Variants in FLT1 observed in about 807,000 individuals in gnomAD.
The protein encoded by FLT1 is fms related receptor tyrosine kinase 1, also known as vascular endothelial growth factor receptor 1.
A neutral mutation model predicts 156.3 loss-of-function variants in FLT1; 49 were observed. That is an observed-to-expected ratio of 0.31 (90% CI 0.25 to 0.40). The LOEUF is 0.40. Among genes scored for constraint, FLT1 ranks in the 10% least tolerant of loss-of-function variants. FLT1 has a pLI of 1.00. For missense variants in FLT1, 1,322 were observed against 1,637.2 expected (o/e 0.81, Z 3.32); for synonymous variants, 594 against 583.8 (o/e 1.02, Z -0.25).
At chr13:28,389,293 C>G (rs1593735138) in intron 13 of FLT1, 2 of 1,189,304 alleles carry the variant, frequency 1.7e-6, no homozygotes, top group African/African-American at 3.1e-5. Context: ...TCATTCTGAG[C>G]TGGAAAATTA....
intron 1 of FLT1, among the ~76,000 whole-genome samples, chr13:28,486,404 C>T (rs1881168046): frequency 6.6e-6 from 1 of 152,248 alleles, no homozygotes; most frequent in East Asian, 1.9e-4. Flanking sequence ...GGGAGCCATA[C>T]TGATCCCAGC....
At chr13:28,412,162 C>A (rs1050857061) in intron 10 of FLT1, among the ~76,000 whole-genome samples, 1 of 152,166 alleles carries the variant, frequency 6.6e-6, no homozygotes, top group Non-Finnish European at 1.5e-5. Flanking sequence ...CCCATTATGG[C>A]GGCCATCCTG....
chr13:28,474,448 T>C (rs573804960), intron 1 of FLT1, among the ~76,000 whole-genome samples: 1 of 144,072 alleles, frequency 6.9e-6, no homozygotes, highest in Non-Finnish European at 1.5e-5. Flanking sequence ...AGAAACTCTG[T>C]CTCAAAAACA....
At position 28,300,432 on chromosome 13, in the gene FLT1, TATATCTGTAGC is replaced by T. The variant is rs1271143015; in HGVS notation, c.*2724_*2734del. ...ATATAGGACCAAACCATGTCTGTCT[TATATCTGTAGC>T]ATATATTCTTGGTTTGTATAAAAGT... On this transcript the variant is annotated 3_prime_UTR_variant, in exon 30 of 30. Coordinates refer to ENST00000282397, the MANE Select transcript of FLT1 (RefSeq NM_002019.4). The T allele has an allele frequency of 6.0e-5, 14 of 233,136 alleles. No individual in the cohort carries two copies. Among genetic ancestry groups the T allele is most frequent in the Non-Finnish European group, 9.3e-5 (11 of 118,066 alleles). The allele number at this position is 233,136 out of a possible 1,614,324, so 14.4% of individuals were successfully genotyped here. A position where few individuals can be genotyped will look rare whatever the true frequency, so the allele number is the denominator to read the frequency against.
In FLT1 at chr13:28,328,236, T is replaced by C. The variant is rs1871775348; in HGVS notation, c.2708-686A>G. ...TATCATGAAATATTATTTTTATTTT[T>C]TATTTTTTCCCCCAACTTTAAAAAG... On this transcript the variant is annotated intron_variant, in intron 19 of 29. Transcript: ENST00000282397. 2.6e-5 allele frequency: 4 copies of C among 152,280 alleles called. No homozygotes were observed. The South Asian group carries it at 8.3e-4, about 32-fold the overall frequency. 9.4% of individuals were successfully genotyped at this position (152,280 alleles called of 1,614,324 possible). A position where few individuals can be genotyped will look rare whatever the true frequency, so the allele number is the denominator to read the frequency against.
chr13:28,386,248 T>G, intron 13 of FLT1: 1 of 1,051,874 alleles, frequency 9.5e-7, no homozygotes, highest in East Asian at 5.4e-5. Flanking sequence ...CTTTCCCTTT[T>G]GAGTCCTGCA....
At chr13:28,469,856 C>G (rs1022823416) in intron 1 of FLT1, among the ~76,000 whole-genome samples, 1 of 152,084 alleles carries the variant, frequency 6.6e-6, no homozygotes, top group East Asian at 1.9e-4. Context: ...CAGGTTCAAG[C>G]GATTCTCGTG....
chr13:28,303,757 T>C (rs559392424), intron 29 of FLT1, among the ~76,000 whole-genome samples: 1 of 152,320 alleles, frequency 6.6e-6, no homozygotes, highest in African/African-American at 2.4e-5. Flanking sequence ...TTTCATATTT[T>C]ATATCCCTTC....
chr13:28,303,292 C>T lies in FLT1; in HGVS notation c.3892G>A (p.Gly1298Arg), dbSNP rs569994552. The T allele has an allele frequency of 1.2e-6, 2 of 1,614,066 alleles. No individual in the cohort carries two copies. Among genetic ancestry groups the T allele is most frequent in the African/African-American group, 1.3e-5 (1 of 74,986 alleles). ...SRPSFCHSSC[G>R]HVSEGKRRFT... ...CTGCGCTTGCCTTCGCTGACGTGCC[C>T]ACAGCTGGAATGGCAGAAACTGGGC... The change falls in exon 30 of 30, where the codon GGG (glycine) becomes AGG (arginine). Residue 1298 changes from glycine to arginine, a missense_variant. Gly to Arg is a moderately radical substitution (Grantham distance 125). Transcript: ENST00000282397.
chr13:28,420,593 C>T lies in FLT1; in HGVS notation c.1436+6566G>A, dbSNP rs567104745. Among the ~76,000 whole-genome samples, 226 of 152,204 alleles carry T rather than the reference C, an allele frequency of 1.5e-3. 3 individuals carry two copies. Among genetic ancestry groups the T allele is most frequent in the Non-Finnish European group, 9.3e-4 (63 of 68,010 alleles). On this transcript the variant is annotated intron_variant, in intron 10 of 29. Coordinates refer to ENST00000282397, the MANE Select transcript of FLT1 (RefSeq NM_002019.4). ...CCTCAGACATCTGACCTACATTTTG[C>T]CCCCAGGAAATGTTGACTTTTTCAA...
intron 10 of FLT1, among the ~76,000 whole-genome samples, chr13:28,418,786 G>T (rs981128357): frequency 6.6e-6 from 1 of 151,712 alleles, no homozygotes; most frequent in Non-Finnish European, 1.5e-5. Context: ...TGCCCAGACC[G>T]GTCTCTGCAA....
At chr13:28,389,203 T>C in intron 13 of FLT1, 1 of 1,097,010 alleles carries the variant, frequency 9.1e-7, no homozygotes, top group Non-Finnish European at 1.1e-6. Flanking sequence ...ATCCAGGTGC[T>C]ATTTACAAAT....
At chr13:28,474,923 G>C (rs1381498431) in intron 1 of FLT1, among the ~76,000 whole-genome samples, 1 of 152,146 alleles carries the variant, frequency 6.6e-6, no homozygotes, top group Non-Finnish European at 1.5e-5. Flanking sequence ...TAATCACAGA[G>C]TTATGTTGAA....
rs577274478 is a variant in FLT1, at chr13:28,356,033, C to T, written c.2248+1521G>A. On this transcript the variant is annotated intron_variant, in intron 15 of 29. Coordinates refer to ENST00000282397, the MANE Select transcript of FLT1 (RefSeq NM_002019.4). ...TCCTCCCAGGCCATAAGAGTCCAGC[C>T]ATTGCTGCCCCATATTCCCTGGTGG... is the stretch of plus-strand genomic sequence containing the variant. 5.9e-5 allele frequency among the ~76,000 whole-genome samples: 9 copies of T among 152,286 alleles called. 1 individual carries two copies. In the South Asian group the frequency reaches 1.9e-3, roughly 32 times the overall value.
intron 3 of FLT1, among the ~76,000 whole-genome samples, chr13:28,444,278 C>T (rs911280630): frequency 9.9e-5 from 15 of 152,160 alleles, no homozygotes; most frequent in African/African-American, 3.6e-4. Context: ...CCCATCTCCA[C>T]TAAAAATACA....
chr13:28,336,599 G>A (rs1872123914), intron 17 of FLT1, among the ~76,000 whole-genome samples: 1 of 152,172 alleles, frequency 6.6e-6, no homozygotes, highest in Non-Finnish European at 1.5e-5. Flanking sequence ...CTGGCATTCA[G>A]GGCTGGTCTT....
intron 14 of FLT1, 89 bp from the exon 15 acceptor site, chr13:28,357,774 T>C (rs1437549502): frequency 1.7e-5 from 21 of 1,238,612 alleles, no homozygotes; most frequent in Non-Finnish European, 2.5e-5. Context: ...CCTATCATTA[T>C]GCATTCAGAC....
intron 29 of FLT1, among the ~76,000 whole-genome samples, chr13:28,303,900 G>A (rs1870626980): frequency 1.3e-5 from 2 of 152,276 alleles, no homozygotes; most frequent in Admixed American, 6.5e-5. Flanking sequence ...TCGTGCCTGT[G>A]TTCTAGAAGA....
Position 28,404,022 on chromosome 13 carries a change from A to G in FLT1, c.1551+1758T>C, listed in dbSNP as rs576096025. On this transcript the variant is annotated intron_variant, in intron 11 of 29. Coordinates refer to ENST00000282397, the MANE Select transcript of FLT1 (RefSeq NM_002019.4). ...GGGCCACTGCACTCCAGCCTGAGCAACAGAGTGAGACTCTTTGTCTCAAAA... is the reference window on the plus strand; with the variant it reads ...GGGCCACTGCACTCCAGCCTGAGCAGCAGAGTGAGACTCTTTGTCTCAAAA... Among the ~76,000 whole-genome samples, 40 of 149,334 alleles carry G rather than the reference A, an allele frequency of 2.7e-4. No individual in the cohort carries two copies. In the Middle Eastern group the frequency reaches 0.01, roughly 38 times the overall value.
Sources: allele counts gnomAD v4.1 joint callset (sites outside exome capture counted in the v4.1 genomes callset), GRCh38; gene constraint gnomAD v4.1.1; transcripts MANE v1.5; gene names NCBI Gene and HGNC (gene_info 2026-07-23, HGNC 2026-07-21).